Variants in MEIS2 observed in about 807,000 individuals in gnomAD.
MEIS2 encodes Meis homeobox 2.
MEIS2 carries 9 observed loss-of-function variants against 58.6 expected under a neutral mutation model. That is an observed-to-expected ratio of 0.15 (90% CI 0.09 to 0.27). MEIS2 has a LOEUF of 0.27. Among genes scored for constraint, MEIS2 ranks in the 10% least tolerant of loss-of-function variants. MEIS2 has a pLI of 1.00. For synonymous variants in MEIS2, 221 were observed against 228.4 expected, an observed-to-expected ratio of 0.97 and a Z score of 0.29; for missense variants, 427 against 635.0, an observed-to-expected ratio of 0.67 and a Z score of 3.52.
chr15:36,912,824 C>CA (rs2057096747), intron 9 of MEIS2, among the ~76,000 whole-genome samples: 1 of 144,556 alleles, frequency 6.9e-6, no homozygotes, highest in Non-Finnish European at 1.5e-5. Context: ...ACTCACCCCC[C>CA]ACTCCTGAAA....
chr15:36,895,182 A>T lies in MEIS2; in HGVS notation c.1116T>A (p.Asp372Glu), dbSNP rs1186578130. 1 of 1,614,028 alleles carries T rather than the reference A, an allele frequency of 6.2e-7. No individual in the cohort carries two copies. Reference protein sequence around the residue: ...EGQPMGSFVLDGQQHMGIRPA... With the variant: ...EGQPMGSFVLEGQQHMGIRPA... ...GCCGGATCCCCATGTGTTGCTGACC[A>T]TCCAACACAAAGCTCCCCATGGGCT... Residue 372 changes from aspartate to glutamate, a missense_variant, in exon 11 of 12, where the codon GAT becomes GAA. Physicochemically the swap from Asp to Glu is conservative, Grantham distance 45. Transcript: ENST00000561208.
chr15:36,934,776 G>A (rs1725563068), intron 9 of MEIS2, among the ~76,000 whole-genome samples: 1 of 152,020 alleles, frequency 6.6e-6, no homozygotes, highest in Admixed American at 6.5e-5. Flanking sequence ...TAAATCACTG[G>A]CAATTTTATG....
intron 7 of MEIS2, among the ~76,000 whole-genome samples, chr15:37,062,271 C>G (rs1047544711): frequency 6.6e-6 from 1 of 152,172 alleles, no homozygotes; most frequent in Non-Finnish European, 1.5e-5. Context: ...AGCCTAGGAA[C>G]AGCAGGGGCC....
chr15:36,929,858 A>G (rs183863388), intron 9 of MEIS2, among the ~76,000 whole-genome samples: 1 of 152,308 alleles, frequency 6.6e-6, no homozygotes, highest in African/African-American at 2.4e-5. Context: ...CAGAGGTGAC[A>G]ACTCAGCAGA....
intron 9 of MEIS2, among the ~76,000 whole-genome samples, chr15:36,939,365 G>T (rs997689665): frequency 6.6e-6 from 1 of 152,162 alleles, no homozygotes; most frequent in African/African-American, 2.4e-5. Flanking sequence ...ATTTCAGATG[G>T]TCAACTAGTT....
intron 6 of MEIS2, among the ~76,000 whole-genome samples, chr15:37,091,735 A>G (rs1567287560): frequency 4.6e-5 from 7 of 152,202 alleles, no homozygotes; most frequent in African/African-American, 1.7e-4. Flanking sequence ...AAACATCAAC[A>G]TGGTCTAGCT....
chr15:36,921,475 C>A (rs2057503930), intron 9 of MEIS2, among the ~76,000 whole-genome samples: 1 of 152,174 alleles, frequency 6.6e-6, no homozygotes, highest in African/African-American at 2.4e-5. Flanking sequence ...ATCTTCCTAG[C>A]ATTTTCAAGG....
At chr15:37,068,311 T>C (rs1047359715) in intron 7 of MEIS2, among the ~76,000 whole-genome samples, 2 of 152,220 alleles carry the variant, frequency 1.3e-5, no homozygotes, top group Non-Finnish European at 2.9e-5. Context: ...TGACTTTGTA[T>C]CCTGCTTTCT....
rs1887157638 is a variant in MEIS2 at position 36,945,229 on chromosome 15, C to A, written c.977+5095G>T. ...AAACCCACCTAGAACACTATTATTGCCCTTCAAGTATAAGCAGCAAAGAAA... is the reference window on the plus strand; with the variant it reads ...AAACCCACCTAGAACACTATTATTGACCTTCAAGTATAAGCAGCAAAGAAA... On this transcript the variant is annotated intron_variant, in intron 9 of 11. Coordinates refer to ENST00000561208, the MANE Select transcript of MEIS2 (RefSeq NM_170675.5). Among the ~76,000 whole-genome samples, 3 of 151,968 alleles carry A rather than the reference C, an allele frequency of 2.0e-5. No individual in the cohort carries two copies. The South Asian group carries it at 6.2e-4, about 32-fold the overall frequency.
At chr15:37,077,529 A>C (rs895625870) in intron 7 of MEIS2, among the ~76,000 whole-genome samples, 10 of 152,038 alleles carry the variant, frequency 6.6e-5, no homozygotes, top group African/African-American at 2.4e-4. Context: ...TATAAGAATA[A>C]ATTTTAGTAA....
chr15:37,057,756 T>G (rs1301328548), intron 7 of MEIS2, among the ~76,000 whole-genome samples: 2 of 152,142 alleles, frequency 1.3e-5, no homozygotes. Context: ...TTTTCAGCAA[T>G]GTTAAGCTCT....
At chr15:36,963,290 G>A (rs539314000) in intron 8 of MEIS2, among the ~76,000 whole-genome samples, 1 of 151,654 alleles carries the variant, frequency 6.6e-6, no homozygotes, top group Non-Finnish European at 1.5e-5. Flanking sequence ...TGAGGCAGGA[G>A]AATCGCTTGA....
intron 8 of MEIS2, among the ~76,000 whole-genome samples, chr15:36,998,601 T>A (rs1184037476): frequency 1.3e-5 from 2 of 152,196 alleles, no homozygotes; most frequent in Admixed American, 1.3e-4. Context: ...TCCTGTCTTA[T>A]ATTTGTATAA....
chr15:37,097,905 C>A lies in MEIS2; in HGVS notation c.245+62G>T, dbSNP rs1032739640. 4 of 1,505,294 alleles carry A rather than the reference C, an allele frequency of 2.7e-6. No homozygotes were observed. In the African/African-American group the frequency reaches 5.6e-5, roughly 21 times the overall value. The allele number at this position is 1,505,294 out of a possible 1,614,324, so 93.2% of individuals were successfully genotyped here. ...TTAGTCGTCCACCTTCCCACCCCCA[C>A]AGAGACAAACACACACTCTCACACT... On this transcript the variant is annotated intron_variant, in intron 2 of 11. Transcript: ENST00000561208.
intron 6 of MEIS2, among the ~76,000 whole-genome samples, chr15:37,085,082 T>C (rs1892721037): frequency 6.6e-6 from 1 of 152,054 alleles, no homozygotes; most frequent in South Asian, 2.1e-4. Context: ...CCAATCAAAG[T>C]ATACAAATTT....
Position 36,892,041 on chromosome 15 carries a change from T to C in MEIS2, c.*132A>G. 1.0e-6 allele frequency: 1 copy of C among 998,506 alleles called. No individual in the cohort carries two copies. The highest frequency in any genetic ancestry group is 1.5e-5 in the South Asian group (1 of 65,090). 61.9% of individuals were successfully genotyped at this position (998,506 alleles called of 1,614,324 possible). A position where few individuals can be genotyped will look rare whatever the true frequency, so the allele number is the denominator to read the frequency against. ...GTTGCATTGGTCCTCTGTTGCTTGA[T>C]GAAAAATGACAAAAGTAAAAAATAA... On this transcript the variant is annotated 3_prime_UTR_variant, in exon 12 of 12. Transcript: ENST00000561208.
intron 7 of MEIS2, among the ~76,000 whole-genome samples, chr15:37,080,410 C>A (rs4244559): frequency 6.6e-6 from 1 of 151,882 alleles, no homozygotes; most frequent in Non-Finnish European, 1.5e-5. Flanking sequence ...CTCCCATCAG[C>A]GTTAATGGGA....
chr15:36,946,901 G>A (rs1595783043), intron 9 of MEIS2, among the ~76,000 whole-genome samples: 1 of 151,938 alleles, frequency 6.6e-6, no homozygotes, highest in African/African-American at 2.4e-5. Flanking sequence ...TACCTTTAGA[G>A]CTTTAATCAA....
At chr15:36,920,665 A>C (rs569846114) in intron 9 of MEIS2, among the ~76,000 whole-genome samples, 1 of 152,352 alleles carries the variant, frequency 6.6e-6, no homozygotes. Context: ...ACAATCTCTT[A>C]TTTCTCATTT....
Sources: gnomAD v4.1 joint callset for allele counts (sites outside exome capture counted in the v4.1 genomes callset) on GRCh38, gnomAD v4.1.1 for gene constraint, MANE v1.5 for transcripts, NCBI Gene and HGNC (gene_info 2026-07-23, HGNC 2026-07-21) for gene names.